SLC22A5: variants seen among roughly 807,000 people sequenced by gnomAD.
The protein encoded by SLC22A5 is solute carrier family 22 member 5.
SLC22A5 carries 44 observed loss-of-function variants against 56.7 expected under a neutral mutation model. That is an observed-to-expected ratio of 0.78 (90% CI 0.61 to 1.00). The LOEUF is 1.00. SLC22A5 is among the 50% of genes least tolerant of loss of function. The probability of loss-of-function intolerance (pLI) is 0.00; values close to 1 mark genes in which losing one functional copy is unlikely to be tolerated. For synonymous variants in SLC22A5, 278 were observed against 292.1 expected (o/e 0.95, Z 0.49); for missense variants, 675 against 723.0 (o/e 0.93, Z 0.76).
chr5:132,376,760 C>A (rs1752154504), intron 1 of SLC22A5: 1 of 152,214 alleles, frequency 6.6e-6, no homozygotes, highest in African/African-American at 2.4e-5. Flanking sequence ...GGAGCCAGGT[C>A]CTGGCCCCTG....
At chr5:132,373,550 C>T (rs1045668460) in intron 1 of SLC22A5, among the ~76,000 whole-genome samples, 3 of 152,020 alleles carry the variant, frequency 2.0e-5, no homozygotes, top group Admixed American at 6.5e-5. Flanking sequence ...GCAGGAGAAT[C>T]GCTTGAACCC....
chr5:132,390,742 C>T lies in SLC22A5; in HGVS notation c.1105C>T (p.His369Tyr), dbSNP rs1249699673. ...GCTTTCGCTTGATACTCCTAACTTG[C>T]ATGGGGACATCTTTGTGAACTGCTT... The part of the protein sequence containing the change: ...FGLSLDTPNL[H>Y]GDIFVNCFLS... Residue 369 changes from histidine (H) to tyrosine (Y), a missense_variant, in exon 7 of 10, where the codon CAT becomes TAT. Coordinates refer to ENST00000245407, the MANE Select transcript of SLC22A5 (RefSeq NM_003060.4). 1.9e-6 allele frequency: 3 copies of T among 1,614,258 alleles called. No homozygotes were observed. The highest frequency in any genetic ancestry group is 3.3e-5 in the Admixed American group (2 of 60,026).
At chr5:132,378,862 A>G in intron 2 of SLC22A5, 1 of 300,726 alleles carries the variant, frequency 3.3e-6, no homozygotes, top group Non-Finnish European at 6.5e-6. Context: ...GTAGATCTGT[A>G]GTAGTGCCAC....
intron 5 of SLC22A5, among the ~76,000 whole-genome samples, chr5:132,387,620 A>C (rs1752578373): frequency 6.6e-6 from 1 of 152,122 alleles, no homozygotes; most frequent in South Asian, 2.1e-4. Context: ...TTATTCATTA[A>C]AAAGAAAAAA....
At chr5:132,389,299 A>C in intron 6 of SLC22A5, 1 of 406,338 alleles carries the variant, frequency 2.5e-6, no homozygotes, top group Non-Finnish European at 4.7e-6. Context: ...TCCTTGCCCA[A>C]TTTGGGTCAT....
At chr5:132,372,358 G>T (rs1435134307) in intron 1 of SLC22A5, among the ~76,000 whole-genome samples, 2 of 152,176 alleles carry the variant, frequency 1.3e-5, no homozygotes, top group East Asian at 1.9e-4. Flanking sequence ...TCTACTTGGG[G>T]CTGCCTAAAG....
At position 132,384,250 on chromosome 5, in the gene SLC22A5, G is replaced by T; in HGVS notation, c.601G>T (p.Val201Phe). Residue 201 changes from valine (V) to phenylalanine (F), a missense_variant, in exon 3 of 10, where the codon GTC becomes TTC. Val to Phe is a conservative substitution (Grantham distance 50). Coordinates refer to ENST00000245407, the MANE Select transcript of SLC22A5 (RefSeq NM_003060.4). ...TTTTGAGATGTTTGTCGTGCTGTTT[G>T]TCCTTGTAGGCATGGGCCAGATCTC... ...KNFEMFVVLF[V>F]LVGMGQISNY... The T allele has an allele frequency of 6.2e-7, 1 of 1,614,238 alleles. No homozygotes were observed. The highest frequency in any genetic ancestry group is 1.3e-5 in the African/African-American group (1 of 75,060).
chr5:132,378,318 CT>C, intron 1 of SLC22A5, 59 bp from the exon 2 acceptor site: 1 of 1,611,928 alleles, frequency 6.2e-7, no homozygotes. Flanking sequence ...TCCAGGATGC[CT>C]TTGCTTTAAA....
At position 132,390,714 on chromosome 5, in the gene SLC22A5, T is replaced by G. The variant is rs775446374; in HGVS notation, c.1077T>G (p.Phe359Leu). 1.2e-6 allele frequency: 2 copies of G among 1,614,166 alleles called. No homozygotes were observed. The highest frequency in any genetic ancestry group is 8.5e-7 in the Non-Finnish European group (1 of 1,179,946). ...MLWMTISVGY[F>L]GLSLDTPNLH... ...GGATGACCATATCAGTGGGCTATTT[T>G]GGGCTTTCGCTTGATACTCCTAACT... Residue 359 changes from phenylalanine (F) to leucine (L), a missense_variant, in exon 7 of 10, where the codon TTT becomes TTG. Coordinates refer to ENST00000245407, the MANE Select transcript of SLC22A5 (RefSeq NM_003060.4).
chr5:132,381,536 A>G (rs1185279543), intron 2 of SLC22A5: 1 of 152,228 alleles, frequency 6.6e-6, no homozygotes, highest in Non-Finnish European at 1.5e-5. Context: ...ACCTGAAAGC[A>G]ATCAATTCAT....
In SLC22A5 at chr5:132,369,850, C is replaced by T; in HGVS notation, c.-123C>T. On this transcript the variant is annotated 5_prime_UTR_variant, in exon 1 of 10. Transcript: ENST00000245407. ...TGTCAGCTCGCGAGCCTACCCTCCG[C>T]GGACGGTCTTGGGTCGCCTGCTGCC... is the stretch of plus-strand genomic sequence containing the variant. 5 of 1,297,788 alleles carry T rather than the reference C, an allele frequency of 3.9e-6. No homozygotes were observed. Among genetic ancestry groups the T allele is most frequent in the Non-Finnish European group, 3.1e-6 (3 of 971,010 alleles). The allele number at this position is 1,297,788 out of a possible 1,614,324, so 80.4% of individuals were successfully genotyped here.
Position 132,392,518 on chromosome 5 carries a change from C to A in SLC22A5, c.1353C>A (p.Ala451=). 1 of 1,613,982 alleles carries A rather than the reference C, an allele frequency of 6.2e-7. No individual in the cohort carries two copies. Among genetic ancestry groups the A allele is most frequent in the Non-Finnish European group, 8.5e-7 (1 of 1,179,892 alleles). Residue 451 remains alanine, a synonymous_variant, in exon 8 of 10, where the codon GCC becomes GCA. Coordinates refer to ENST00000245407, the MANE Select transcript of SLC22A5 (RefSeq NM_003060.4). ...AAFSMVYVYT[A]ELYPTVVRNM... is the part of the protein sequence containing the mutation. The stretch of plus-strand genomic sequence containing the variant: ...TTTCCATGGTCTACGTGTACACAGC[C>A]GAGCTGTATCCCACAGTGGTGAGAA...
chr5:132,383,194 C>G (rs541223071), intron 2 of SLC22A5: 1 of 152,310 alleles, frequency 6.6e-6, no homozygotes, highest in South Asian at 2.1e-4. Context: ...ATTAAGTAAC[C>G]GCTAGCCTGA....
Position 132,369,898 on chromosome 5 carries a change from G to C in SLC22A5, c.-75G>C. ...GCCTGGCTTGCCTGGTCGGCGGCGG[G>C]TGCCCCGCGCGCACGCGCAAAGCCC... On this transcript the variant is annotated 5_prime_UTR_variant, in exon 1 of 10. Transcript: ENST00000245407. 6.4e-7 allele frequency: 1 copy of C among 1,568,696 alleles called. No individual in the cohort carries two copies. The highest frequency in any genetic ancestry group is 1.2e-5 in the South Asian group (1 of 85,994).
chr5:132,390,983 A>G, intron 7 of SLC22A5, 79 bp downstream of exon 7: 1 of 1,202,348 alleles, frequency 8.3e-7, no homozygotes, highest in Admixed American at 1.9e-5. Flanking sequence ...ATTAATAAAG[A>G]GAATAAAATC....
At chr5:132,390,996 GC>G in intron 7 of SLC22A5, 92 bp downstream of exon 7, 1 of 1,000,340 alleles carries the variant, frequency 1.0e-6, no homozygotes, top group Non-Finnish European at 1.5e-6. Flanking sequence ...ATAAAATCAA[GC>G]CCATCACAGC....
At chr5:132,388,520 G>A (rs1320327624) in intron 5 of SLC22A5, among the ~76,000 whole-genome samples, 2 of 152,166 alleles carry the variant, frequency 1.3e-5, no homozygotes, top group African/African-American at 4.8e-5. Flanking sequence ...AAAAATATCA[G>A]ACCAATAAAC....
intron 2 of SLC22A5, chr5:132,381,758 T>TTG (rs1437648109): frequency 6.6e-6 from 1 of 152,232 alleles, no homozygotes; most frequent in Non-Finnish European, 1.5e-5. Flanking sequence ...GTGTCCTGTT[T>TTG]CCAGGTATGT....
intron 1 of SLC22A5, among the ~76,000 whole-genome samples, chr5:132,373,732 T>C (rs949360871): frequency 6.6e-6 from 1 of 152,188 alleles, no homozygotes; most frequent in Non-Finnish European, 1.5e-5. Context: ...GTCCACATGG[T>C]TCTCGGCTGG....
Sources: allele counts gnomAD v4.1 joint callset (sites outside exome capture counted in the v4.1 genomes callset), GRCh38; gene constraint gnomAD v4.1.1; transcripts MANE v1.5; gene names NCBI Gene and HGNC (gene_info 2026-07-23, HGNC 2026-07-21).